The following CDIN1 variants were observed in gnomAD, a reference collection of about 807,000 sequenced individuals.
CDIN1 encodes CDAN1-interacting nuclease 1.
A neutral mutation model predicts 45.3 loss-of-function variants in CDIN1; 33 were observed. The observed-to-expected ratio is 0.73, with a 90% CI of 0.55 to 0.97. The LOEUF is 0.97. CDIN1 is among the 50% of genes least tolerant of loss of function. The pLI is 0.00. For synonymous variants in CDIN1, 118 were observed against 124.4 expected (o/e 0.95, Z 0.34); for missense variants, 303 against 339.4 (o/e 0.89, Z 0.84).
Position 36,616,880 on chromosome 15 carries a change from G to A in CDIN1, c.102-27398G>A, listed in dbSNP as rs565664888. ...GCAGAGGTTGCAGTGAGCCGAGATCGTGCTACTGCACTCCAGCTTGGGTGA... is the reference window on the plus strand; with the variant it reads ...GCAGAGGTTGCAGTGAGCCGAGATCATGCTACTGCACTCCAGCTTGGGTGA... On this transcript the variant is annotated intron_variant, in intron 1 of 10. Transcript: ENST00000566621. 4.1e-4 allele frequency among the ~76,000 whole-genome samples: 63 copies of A among 152,166 alleles called. 1 individual carries two copies. The highest frequency in any genetic ancestry group is 3.4e-3 in the Admixed American group (52 of 15,290).
At chr15:36,633,068 A>G (rs2039745844) in intron 1 of CDIN1, among the ~76,000 whole-genome samples, 1 of 152,218 alleles carries the variant, frequency 6.6e-6, no homozygotes, top group Non-Finnish European at 1.5e-5. Flanking sequence ...TTAAAGATCA[A>G]TTTATCCAAC....
chr15:36,605,376 T>G (rs28404241), intron 1 of CDIN1, among the ~76,000 whole-genome samples: 1 of 152,050 alleles, frequency 6.6e-6, no homozygotes, highest in African/African-American at 2.4e-5. Context: ...ATTTTTTTTT[T>G]AATCTGGAAT....
chr15:36,616,363 A>G (rs939794017), intron 1 of CDIN1, among the ~76,000 whole-genome samples: 14 of 150,828 alleles, frequency 9.3e-5, no homozygotes, highest in Non-Finnish European at 1.9e-4. Context: ...GCTCACTGCA[A>G]CCCCCACCTC....
intron 5 of CDIN1, among the ~76,000 whole-genome samples, chr15:36,688,254 TA>T (rs957427206): frequency 8.4e-4 from 118 of 141,164 alleles, no homozygotes; most frequent in Admixed American, 1.3e-3. Flanking sequence ...ACTGAGAAAT[TA>T]AAAAAAAAAA....
chr15:36,614,268 C>T lies in CDIN1; in HGVS notation c.102-30010C>T, dbSNP rs537857432. The stretch of plus-strand genomic sequence containing the variant: ...TGACTCCACCTAAGGCCAGCCTGCC[C>T]GAAGCTGACCTTTAACTGAGGGCCG... On this transcript the variant is annotated intron_variant, in intron 1 of 10. Transcript: ENST00000566621. 430 of 597,690 alleles carry T rather than the reference C, an allele frequency of 7.2e-4. 1 individual carries two copies. The highest frequency in any genetic ancestry group is 1.1e-3 in the Non-Finnish European group (354 of 309,736). 37.0% of individuals were successfully genotyped at this position (597,690 alleles called of 1,614,324 possible).
At chr15:36,729,752 T>G (rs1363518392) in intron 10 of CDIN1, among the ~76,000 whole-genome samples, 1 of 152,200 alleles carries the variant, frequency 6.6e-6, no homozygotes, top group Non-Finnish European at 1.5e-5. Context: ...GATTTGTCAT[T>G]TATCAACAAG....
chr15:36,751,229 T>TTTATATATATATATATA (rs568110101), intron 10 of CDIN1, among the ~76,000 whole-genome samples: 31 of 97,570 alleles, frequency 3.2e-4, no homozygotes, highest in African/African-American at 1.1e-3. Flanking sequence ...TATGCTTATT[T>TTTATATATATATATATA]TATATATATA....
intron 5 of CDIN1, among the ~76,000 whole-genome samples, chr15:36,661,777 T>C (rs1182143713): frequency 6.6e-6 from 1 of 152,206 alleles, no homozygotes; most frequent in Non-Finnish European, 1.5e-5. Flanking sequence ...TTCACACTAA[T>C]AATGGTGACT....
At chr15:36,748,071 G>A (rs1338379706) in intron 10 of CDIN1, among the ~76,000 whole-genome samples, 2 of 152,128 alleles carry the variant, frequency 1.3e-5, no homozygotes, top group African/African-American at 4.8e-5. Context: ...AATAACTTTG[G>A]TTCTCATTTG....
At chr15:36,750,446 A>G (rs534179609) in intron 10 of CDIN1, among the ~76,000 whole-genome samples, 1 of 152,338 alleles carries the variant, frequency 6.6e-6, no homozygotes, top group Admixed American at 6.5e-5. Flanking sequence ...TGACTTGTCC[A>G]ATATTAATTC....
rs1285140428 is a variant in CDIN1, at chr15:36,765,070, T to TTTTTTTTTTTG, written c.717-43250_717-43249insTTTTTTGTTTT. ...TTATTTTTCTTTCTTTCTTTTTTTT[T>TTTTTTTTTTTG]TTTTAGATGGAGTCTCGCTCCGTCA... On this transcript the variant is annotated intron_variant, in intron 10 of 10. Transcript: ENST00000566621. Among the ~76,000 whole-genome samples, 2 of 150,234 alleles carry TTTTTTTTTTTG rather than the reference T, an allele frequency of 1.3e-5. 1 individual carries two copies. Among genetic ancestry groups the TTTTTTTTTTTG allele is most frequent in the Non-Finnish European group, 3.0e-5 (2 of 67,444 alleles).
rs1051814434 is a variant in CDIN1 at position 36,654,532 on chromosome 15, A to C, written c.273+374A>C. Among the ~76,000 whole-genome samples, 3 of 151,302 alleles carry C rather than the reference A, an allele frequency of 2.0e-5. No individual in the cohort carries two copies. The South Asian group carries it at 6.3e-4, about 32-fold the overall frequency. ...GGATGCCAAAAAAAAAAAAAAAAAAACTGCTGTTATAAAAATGAAGAGAGA... is the reference window on the plus strand; with the variant it reads ...GGATGCCAAAAAAAAAAAAAAAAAACCTGCTGTTATAAAAATGAAGAGAGA... On this transcript the variant is annotated intron_variant, in intron 4 of 10. Coordinates refer to ENST00000566621, the MANE Select transcript of CDIN1 (RefSeq NM_001321759.2).
At chr15:36,766,917 C>T (rs1360622176) in intron 10 of CDIN1, among the ~76,000 whole-genome samples, 1 of 152,022 alleles carries the variant, frequency 6.6e-6, no homozygotes, top group Non-Finnish European at 1.5e-5. Flanking sequence ...TGTGTTTTTG[C>T]TGTGCAGAAG....
intron 10 of CDIN1, among the ~76,000 whole-genome samples, chr15:36,732,033 A>T (rs1020609437): frequency 6.6e-6 from 1 of 152,192 alleles, no homozygotes; most frequent in African/African-American, 2.4e-5. Flanking sequence ...ATGAATGATT[A>T]TCACAGTTTT....
rs771696617 is a variant in CDIN1, at chr15:36,579,968, G to C, written c.101+7G>C. The C allele has an allele frequency of 1.9e-6, 3 of 1,610,822 alleles. No homozygotes were observed. In the South Asian group the frequency reaches 3.3e-5, roughly 18 times the overall value. On this transcript the variant is annotated splice_region_variant and intron_variant, in intron 1 of 10. Transcript: ENST00000566621. ...TGAAGCAGAGGTTTCCCAGGTAAGT[G>C]TCCATCTCTCCCCTCTCACAGCCCT...
intron 1 of CDIN1, chr15:36,640,702 T>C (rs553364121): frequency 1.1e-6 from 1 of 931,966 alleles, no homozygotes; most frequent in Non-Finnish European, 1.3e-6. Context: ...ATAAGGACCT[T>C]ACCCTTGCAT....
intron 3 of CDIN1, among the ~76,000 whole-genome samples, chr15:36,649,893 CTT>C (rs2040503199): frequency 1.3e-5 from 2 of 152,122 alleles, no homozygotes; most frequent in Admixed American, 6.5e-5. Context: ...GGTACTGTGT[CTT>C]ATATATGTAT....
At chr15:36,713,228 G>C (rs1015084858) in intron 10 of CDIN1, among the ~76,000 whole-genome samples, 2 of 152,128 alleles carry the variant, frequency 1.3e-5, no homozygotes, top group Admixed American at 6.5e-5. Context: ...GACAGAGAAA[G>C]AGCCATATGC....
At chr15:36,655,516 G>A (rs1045580350) in intron 4 of CDIN1, among the ~76,000 whole-genome samples, 3 of 151,976 alleles carry the variant, frequency 2.0e-5, no homozygotes, top group African/African-American at 4.8e-5. Context: ...TAGCAGAGAC[G>A]GGGTTTCATC....
Sources: gnomAD v4.1 joint callset for allele counts (sites outside exome capture counted in the v4.1 genomes callset) on GRCh38, gnomAD v4.1.1 for gene constraint, MANE v1.5 for transcripts, NCBI Gene and HGNC (gene_info 2026-07-23, HGNC 2026-07-21) for gene names.